Variants in MRO observed in about 807,000 individuals in gnomAD.
MRO encodes the protein protein maestro.
MRO carries 28 observed loss-of-function variants against 31.0 expected under a neutral mutation model. That is an observed-to-expected ratio of 0.90 (90% CI 0.67 to 1.24). MRO has a LOEUF of 1.24. Among genes scored for constraint, MRO ranks in the 50% most tolerant of loss-of-function variants. MRO has a pLI of 0.00. For missense variants in MRO, 332 were observed against 289.2 expected, an observed-to-expected ratio of 1.15 and a Z score of -1.07; for synonymous variants, 108 against 108.4, an observed-to-expected ratio of 1.00 and a Z score of 0.02.
At chr18:50,808,664 C>T (rs866282622) in intron 3 of MRO, among the ~76,000 whole-genome samples, 5 of 151,322 alleles carry the variant, frequency 3.3e-5, no homozygotes, top group East Asian at 4.0e-4. Context: ...GCCACGTTGC[C>T]GGCTGGTCTA....
At chr18:50,819,461 C>T (rs1019761747) in intron 2 of MRO, 120 bp downstream of exon 2, 6 of 1,458,602 alleles carry the variant, frequency 4.1e-6, no homozygotes, top group Admixed American at 5.4e-5. Context: ...ATCCTACCCC[C>T]TAGAGGTCGA....
intron 3 of MRO, among the ~76,000 whole-genome samples, chr18:50,808,115 A>T (rs1914118137): frequency 6.6e-6 from 1 of 151,984 alleles, no homozygotes; most frequent in African/African-American, 2.4e-5. Context: ...AAACACAAAC[A>T]CCAAACTCTA....
intron 7 of MRO, 25 bp downstream of exon 7, chr18:50,800,011 T>TTC: frequency 6.5e-7 from 1 of 1,547,972 alleles, no homozygotes; most frequent in Non-Finnish European, 8.9e-7. Flanking sequence ...CGGAAAAGAA[T>TTC]TCTCTCCTAC....
chr18:50,801,386 A>G lies in MRO; in HGVS notation c.548T>C (p.Leu183Pro). ...SQVKQTRDSL[L>P]IHLQDRNPQV... ...GGGATTTCTGTCCTGTAAATGGATC[A>G]GGAGGGAATCTCGTGTCTGCTTAAC... Residue 183 changes from leucine to proline, a missense_variant, in exon 6 of 8, where the codon CTG becomes CCG. Leu to Pro is a moderately conservative substitution (Grantham distance 98, BLOSUM62 -3). Coordinates refer to ENST00000398439, the MANE Select transcript of MRO (RefSeq NM_031939.6). The G allele has an allele frequency of 6.2e-7, 1 of 1,610,206 alleles. No homozygotes were observed. Among genetic ancestry groups the G allele is most frequent in the Non-Finnish European group, 8.5e-7 (1 of 1,177,664 alleles).
intron 2 of MRO, among the ~76,000 whole-genome samples, chr18:50,817,956 TTG>T (rs1915063114): frequency 6.6e-6 from 1 of 151,948 alleles, no homozygotes; most frequent in South Asian, 2.1e-4. Flanking sequence ...CGCTGGAGCC[TTG>T]TGTTTCTTGT....
At chr18:50,800,186 A>G in intron 6 of MRO, 43 bp from the exon 7 acceptor site, 1 of 1,399,882 alleles carries the variant, frequency 7.1e-7, no homozygotes. Context: ...AGAGAGTTCC[A>G]TAATCCCAAG....
intron 2 of MRO, among the ~76,000 whole-genome samples, chr18:50,812,890 T>G (rs1286534617): frequency 6.6e-6 from 1 of 152,146 alleles, no homozygotes; most frequent in Non-Finnish European, 1.5e-5. Context: ...CATCAGTATT[T>G]TTTAAAGCCC....
At chr18:50,804,693 C>T (rs1913732887) in intron 5 of MRO, among the ~76,000 whole-genome samples, 1 of 152,080 alleles carries the variant, frequency 6.6e-6, no homozygotes. Flanking sequence ...CCTCCCAACC[C>T]CTAGCACAGT....
chr18:50,803,541 A>C (rs139181610), intron 5 of MRO, among the ~76,000 whole-genome samples: 7 of 152,212 alleles, frequency 4.6e-5, no homozygotes, highest in African/African-American at 1.7e-4. Context: ...ATGACAAACA[A>C]GTCCTCGAAG....
intron 2 of MRO, among the ~76,000 whole-genome samples, chr18:50,812,761 T>C (rs1274165984): frequency 1.3e-5 from 2 of 152,216 alleles, no homozygotes; most frequent in African/African-American, 4.8e-5. Flanking sequence ...TTTTTTTTAA[T>C]AGGAGAGATG....
intron 2 of MRO, among the ~76,000 whole-genome samples, chr18:50,813,128 T>A (rs1233723128): frequency 6.6e-6 from 1 of 152,186 alleles, no homozygotes. Flanking sequence ...GGGACTCGGT[T>A]TCTCTGCCAT....
At chr18:50,812,866 G>C (rs1174339243) in intron 2 of MRO, among the ~76,000 whole-genome samples, 1 of 152,126 alleles carries the variant, frequency 6.6e-6, no homozygotes, top group Admixed American at 6.5e-5. Flanking sequence ...ATTATCTCTG[G>C]AGGGAGACCC....
At chr18:50,802,584 C>T (rs944125772) in intron 5 of MRO, among the ~76,000 whole-genome samples, 16 of 151,984 alleles carry the variant, frequency 1.1e-4, no homozygotes, top group Non-Finnish European at 2.1e-4. Flanking sequence ...GCCTTCACAG[C>T]GGGGAAGAAG....
intron 2 of MRO, among the ~76,000 whole-genome samples, chr18:50,817,065 T>G (rs1243286755): frequency 1.3e-5 from 2 of 152,164 alleles, no homozygotes; most frequent in Non-Finnish European, 2.9e-5. Context: ...TAAGTAGAAC[T>G]CAAGGTCATG....
At chr18:50,808,043 C>T (rs756380801) in intron 3 of MRO, among the ~76,000 whole-genome samples, 7 of 152,178 alleles carry the variant, frequency 4.6e-5, no homozygotes, top group East Asian at 1.9e-4. Context: ...GCTGAGATCA[C>T]GCCATTGCAC....
chr18:50,819,545 C>T, intron 2 of MRO, 36 bp downstream of exon 2: 2 of 1,550,342 alleles, frequency 1.3e-6, no homozygotes, highest in Non-Finnish European at 1.7e-6. Context: ...ACGCCTCCCG[C>T]TGCATCTGGC....
At chr18:50,821,362 A>G (rs1300491529), upstream of MRO, among the ~76,000 whole-genome samples, 1 of 152,210 alleles carries the variant, frequency 6.6e-6, no homozygotes, top group East Asian at 1.9e-4. Flanking sequence ...ACATCAACAC[A>G]AAACTGAGAG....
At chr18:50,820,114 C>A, upstream of MRO, 5 of 721,500 alleles carry the variant, frequency 6.9e-6, no homozygotes, top group Non-Finnish European at 2.4e-6. Flanking sequence ...GGGTTCCAGG[C>A]GACCCCTGCA....
chr18:50,801,481 C>T lies in MRO; in HGVS notation c.453G>A (p.Ser151=), dbSNP rs766901720. ...CCAATTGCCCAAACAAAACAAAGGC[C>T]GAGTATCTCAGACTGTCGTTCTCCT... ...LDDENDSLRY[S]AFVLFGQLAA... Residue 151 remains serine (S), a synonymous_variant, in exon 6 of 8, where the codon TCG becomes TCA. Transcript: ENST00000398439. 29 of 1,606,736 alleles carry T rather than the reference C, an allele frequency of 1.8e-5. No individual in the cohort carries two copies. The highest frequency in any genetic ancestry group is 5.6e-5 in the South Asian group (5 of 89,736).
Sources: allele counts gnomAD v4.1 joint callset (sites outside exome capture counted in the v4.1 genomes callset), GRCh38; gene constraint gnomAD v4.1.1; transcripts MANE v1.5; gene names NCBI Gene and HGNC (gene_info 2026-07-23, HGNC 2026-07-21).